Variants in SLIT1 observed in about 807,000 individuals in gnomAD.
SLIT1 encodes slit guidance ligand 1.
Under a neutral mutation model 186.1 loss-of-function variants are expected in SLIT1, and 66 were observed. That is an observed-to-expected ratio of 0.35 (90% CI 0.29 to 0.44). The LOEUF is 0.44. Among genes scored for constraint, SLIT1 ranks in the 20% least tolerant of loss-of-function variants. The probability of loss-of-function intolerance (pLI) is 1.00; values close to 1 mark genes in which losing one functional copy is unlikely to be tolerated. For synonymous variants in SLIT1, 761 were observed against 833.8 expected, an observed-to-expected ratio of 0.91 and a Z score of 1.50; for missense variants, 1,638 against 2,037.4, an observed-to-expected ratio of 0.80 and a Z score of 3.77.
At chr10:97,069,047 G>C (rs1299072260) in intron 4 of SLIT1, among the ~76,000 whole-genome samples, 1 of 152,190 alleles carries the variant, frequency 6.6e-6, no homozygotes, top group African/African-American at 2.4e-5. Context: ...TGCCCTAATG[G>C]CTTGATGGTT....
At chr10:97,072,965 G>T (rs1849013202) in intron 4 of SLIT1, among the ~76,000 whole-genome samples, 1 of 152,174 alleles carries the variant, frequency 6.6e-6, no homozygotes. Flanking sequence ...AGAAATGCGG[G>T]CTGTTGTCCC....
intron 1 of SLIT1, among the ~76,000 whole-genome samples, chr10:97,172,304 C>G (rs1850201264): frequency 6.6e-6 from 1 of 152,130 alleles, no homozygotes; most frequent in Non-Finnish European, 1.5e-5. Context: ...CCTCTGTCTC[C>G]CAAAGTGCTG....
chr10:97,064,965 A>G (rs565549346), intron 5 of SLIT1, 89 bp from the exon 6 acceptor site: 105 of 960,314 alleles, frequency 1.1e-4, no homozygotes, highest in Middle Eastern at 6.5e-4. Context: ...CCATTCATTC[A>G]AAAGAGGTGC....
intron 4 of SLIT1, among the ~76,000 whole-genome samples, chr10:97,105,047 T>A (rs113079843): frequency 1.3e-5 from 2 of 152,092 alleles, no homozygotes; most frequent in African/African-American, 4.8e-5. Flanking sequence ...AATGCACGAC[T>A]CCTATTTGGC....
At chr10:97,001,409 C>T in intron 36 of SLIT1, 59 bp from the exon 37 acceptor site, 2 of 1,343,030 alleles carry the variant, frequency 1.5e-6, no homozygotes. Flanking sequence ...GAGCTGCTGC[C>T]TCCAGGGAGG....
At chr10:97,088,456 G>C (rs1589388008) in intron 4 of SLIT1, among the ~76,000 whole-genome samples, 2 of 152,326 alleles carry the variant, frequency 1.3e-5, no homozygotes, top group East Asian at 3.9e-4. Flanking sequence ...GTCAGGGGGA[G>C]TTCTGGCTTA....
chr10:97,113,348 C>G (rs912007204), intron 4 of SLIT1, among the ~76,000 whole-genome samples: 1 of 151,676 alleles, frequency 6.6e-6, no homozygotes, highest in African/African-American at 2.4e-5. Context: ...AAGCGACTGT[C>G]CTGCCTCAGC....
chr10:97,020,266 C>T (rs1012831005), intron 26 of SLIT1, among the ~76,000 whole-genome samples: 1 of 152,100 alleles, frequency 6.6e-6, no homozygotes, highest in African/African-American at 2.4e-5. Flanking sequence ...AGCCACCACG[C>T]CCAGCTGGGG....
intron 11 of SLIT1, chr10:97,058,029 G>A (rs1201358930): frequency 1.4e-6 from 1 of 717,398 alleles, no homozygotes; most frequent in Non-Finnish European, 2.6e-6. Context: ...CTGGAGTGAG[G>A]CACAGCAACA....
In SLIT1 at chr10:97,018,603, G is replaced by A. The variant is rs764794520; in HGVS notation, c.2952C>T (p.Gly984=). The A allele has an allele frequency of 8.2e-6, 13 of 1,586,836 alleles. No homozygotes were observed. Among genetic ancestry groups the A allele is most frequent in the African/African-American group, 2.7e-5 (2 of 74,354 alleles). ...ENGGTCHAQE[G]EDAPFTCSCP... is the part of the protein sequence containing the mutation. ...TAACTCACGTGAACGGGGCATCCTC[G>A]CCCTCCTGTGCATGGCAGGTGCCCC... The change falls in exon 28 of 37, where the codon GGC becomes GGT. Residue 984 remains glycine, a synonymous_variant. Transcript: ENST00000266058.
At position 97,018,668 on chromosome 10, in the gene SLIT1, C is replaced by T; in HGVS notation, c.2887G>A (p.Val963Met). 1 of 1,587,856 alleles carries T rather than the reference C, an allele frequency of 6.3e-7. No individual in the cohort carries two copies. The highest frequency in any genetic ancestry group is 8.6e-7 in the Non-Finnish European group (1 of 1,166,944). ...CCACTGGAACAGCTGTCCAGGGACA[C>T]CTCACAGTCTCGACCCTGGGGGGAA... Reference protein sequence around the residue: ...PSGYKGRDCEVSLDSCSSGPC... With the variant: ...PSGYKGRDCEMSLDSCSSGPC... The change falls in exon 28 of 37, where the codon GTG becomes ATG. Residue 963 changes from valine to methionine, a missense_variant. Physicochemically the swap from Val to Met is conservative, Grantham distance 21. Transcript: ENST00000266058.
At chr10:97,077,865 G>A (rs1053950482) in intron 4 of SLIT1, among the ~76,000 whole-genome samples, 1 of 152,044 alleles carries the variant, frequency 6.6e-6, no homozygotes, top group African/African-American at 2.4e-5. Context: ...CCAGCACTTT[G>A]GGAGGCCGAA....
In SLIT1 at chr10:97,000,191, G is replaced by A. The variant is rs1248435970; in HGVS notation, c.*921C>T. 1 of 152,356 alleles carries A rather than the reference G, an allele frequency of 6.6e-6. No individual in the cohort carries two copies. The highest frequency in any genetic ancestry group is 1.5e-5 in the Non-Finnish European group (1 of 68,178). 9.4% of individuals were successfully genotyped at this position (152,356 alleles called of 1,614,324 possible). A position where few individuals can be genotyped will look rare whatever the true frequency, so the allele number is the denominator to read the frequency against. On this transcript the variant is annotated 3_prime_UTR_variant, in exon 37 of 37. Transcript: ENST00000266058. ...TCTGAACCAGCTGCTCCCAGGTCAAGCACCCTGGCCCAGACCCTCACACCC... is the reference window on the plus strand; with the variant it reads ...TCTGAACCAGCTGCTCCCAGGTCAAACACCCTGGCCCAGACCCTCACACCC...
At chr10:97,139,119 G>A (rs75006550) in intron 4 of SLIT1, among the ~76,000 whole-genome samples, 7,210 of 152,272 alleles carry the variant, frequency 0.047, 203 homozygotes, top group Admixed American at 0.069. Context: ...GGGTCCCCAC[G>A]GCCAAGTCAG....
intron 1 of SLIT1, among the ~76,000 whole-genome samples, chr10:97,172,820 G>A (rs1471063061): frequency 6.6e-6 from 1 of 152,086 alleles, no homozygotes; most frequent in Non-Finnish European, 1.5e-5. Context: ...CTTGAGCCCA[G>A]GAGGTTGAGG....
intron 24 of SLIT1, 34 bp downstream of exon 24, chr10:97,031,572 A>G (rs1280757091): frequency 1.9e-5 from 29 of 1,534,342 alleles, no homozygotes; most frequent in African/African-American, 2.8e-5. Context: ...AGTGGGGTGG[A>G]TTTTCTGGCA....
At chr10:97,020,930 T>C (rs548094756) in intron 26 of SLIT1, among the ~76,000 whole-genome samples, 1 of 152,372 alleles carries the variant, frequency 6.6e-6, no homozygotes, top group South Asian at 2.1e-4. Flanking sequence ...CTGAACACAA[T>C]TCCTACCAAA....
chr10:97,077,417 G>A (rs1849056124), intron 4 of SLIT1, among the ~76,000 whole-genome samples: 1 of 152,152 alleles, frequency 6.6e-6, no homozygotes, highest in South Asian at 2.1e-4. Context: ...TGACTGCCTT[G>A]AGCCAGACCA....
At chr10:97,105,189 T>C (rs1849400760) in intron 4 of SLIT1, among the ~76,000 whole-genome samples, 2 of 152,032 alleles carry the variant, frequency 1.3e-5, no homozygotes, top group Admixed American at 1.3e-4. Context: ...TTCCTTAACA[T>C]AAAAAAGTCA....
Sources: gnomAD v4.1 joint callset for allele counts (sites outside exome capture counted in the v4.1 genomes callset) on GRCh38, gnomAD v4.1.1 for gene constraint, MANE v1.5 for transcripts, NCBI Gene and HGNC (gene_info 2026-07-23, HGNC 2026-07-21) for gene names.